Variants in PDPN observed in about 807,000 individuals in gnomAD.
The protein encoded by PDPN is podoplanin.
A neutral mutation model predicts 23.2 loss-of-function variants in PDPN; 12 were observed. That is an observed-to-expected ratio of 0.52 (90% confidence interval 0.33 to 0.84). The LOEUF (loss-of-function observed/expected upper bound fraction) is 0.84, where lower values mean the gene tolerates loss of function less well. PDPN is among the 40% of genes least tolerant of loss of function. The pLI is 0.02. For synonymous variants in PDPN, 77 were observed against 76.7 expected, an observed-to-expected ratio of 1.00 and a Z score of -0.02; for missense variants, 199 against 212.2, an observed-to-expected ratio of 0.94 and a Z score of 0.39.
At chr1:13,589,272 C>G (rs1263612535) in intron 1 of PDPN, among the ~76,000 whole-genome samples, 3 of 152,156 alleles carry the variant, frequency 2.0e-5, no homozygotes, top group Admixed American at 1.3e-4. Flanking sequence ...GAAGGGCATG[C>G]CTTGGACAGC....
intron 1 of PDPN, among the ~76,000 whole-genome samples, chr1:13,588,284 A>T (rs559015078): frequency 1.3e-5 from 2 of 152,156 alleles, no homozygotes; most frequent in African/African-American, 4.8e-5. Flanking sequence ...TGTTTGCAGC[A>T]TGTACAAATG....
At chr1:13,595,239 A>C (rs1182827122) in intron 1 of PDPN, among the ~76,000 whole-genome samples, 1 of 152,112 alleles carries the variant, frequency 6.6e-6, no homozygotes, top group African/African-American at 2.4e-5. Flanking sequence ...TGTCATAAGG[A>C]TCTTATATCC....
intron 1 of PDPN, among the ~76,000 whole-genome samples, chr1:13,602,306 C>T (rs576270276): frequency 2.0e-4 from 30 of 151,134 alleles, no homozygotes; most frequent in South Asian, 6.3e-4. Flanking sequence ...CCAGCCTGGG[C>T]GACAGAGCAA....
At chr1:13,597,915 C>T (rs907499766) in intron 1 of PDPN, among the ~76,000 whole-genome samples, 2 of 152,060 alleles carry the variant, frequency 1.3e-5, no homozygotes, top group Non-Finnish European at 2.9e-5. Context: ...ATCGAGGCTG[C>T]AGTGAGCCAA....
chr1:13,602,605 C>A (rs1489988133), intron 1 of PDPN, among the ~76,000 whole-genome samples: 1 of 152,064 alleles, frequency 6.6e-6, no homozygotes, highest in Admixed American at 6.5e-5. Context: ...TTTTGTCTCC[C>A]AGGCTGGAGT....
chr1:13,603,910 CACA>C (rs939604913), intron 1 of PDPN, among the ~76,000 whole-genome samples: 4 of 152,128 alleles, frequency 2.6e-5, no homozygotes, highest in Admixed American at 1.3e-4. Context: ...TTAAAATAAT[CACA>C]ACAACAACAA....
Position 13,617,036 on chromosome 1 carries a change from C to G in PDPN, c.*1125C>G, listed in dbSNP as rs555985067. ...TTTAAAAATAGAAGACATCCCCAGT[C>G]CTCATGACATACCGCAAATATCTGT... On this transcript the variant is annotated 3_prime_UTR_variant, in exon 6 of 6. Transcript: ENST00000621990. 1 of 152,320 alleles carries G rather than the reference C, an allele frequency of 6.6e-6. No homozygotes were observed. Among genetic ancestry groups the G allele is most frequent in the South Asian group, 2.1e-4 (1 of 4,826 alleles). The allele number at this position is 152,320 out of a possible 1,614,324, so 9.4% of individuals were successfully genotyped here.
At chr1:13,608,434 T>C (rs1389447379) in intron 2 of PDPN, among the ~76,000 whole-genome samples, 1 of 152,208 alleles carries the variant, frequency 6.6e-6, no homozygotes, top group African/African-American at 2.4e-5. Flanking sequence ...TCTCCTTAAC[T>C]TTCTCTTTTT....
chr1:13,584,142 G>T, intron 1 of PDPN, 42 bp downstream of exon 1: 1 of 1,602,898 alleles, frequency 6.2e-7, no homozygotes, highest in Non-Finnish European at 8.5e-7. Context: ...CGCTGATGGG[G>T]ACGAGCGAGC....
chr1:13,583,996 TG>T lies in PDPN; in HGVS notation c.-37del, dbSNP rs1461510364. On this transcript the variant is annotated 5_prime_UTR_variant, in exon 1 of 6. Coordinates refer to ENST00000621990, the MANE Select transcript of PDPN (RefSeq NM_006474.5). ...ATTTTCCCCCAGCTCAGAATCTTGC[TG>T]CTCGGCCCCCAGGAGAGCAACAACT... 2 of 1,613,668 alleles carry T rather than the reference TG, an allele frequency of 1.2e-6. No homozygotes were observed. The highest frequency in any genetic ancestry group is 4.5e-5 in the East Asian group (2 of 44,882).
intron 3 of PDPN, among the ~76,000 whole-genome samples, chr1:13,612,391 T>C (rs948247284): frequency 1.3e-5 from 2 of 152,184 alleles, no homozygotes; most frequent in Non-Finnish European, 2.9e-5. Context: ...CCACAAACTT[T>C]AGTAATATAT....
chr1:13,596,128 G>C (rs1411797722), intron 1 of PDPN: 5 of 299,692 alleles, frequency 1.7e-5, no homozygotes, highest in South Asian at 1.2e-4. Flanking sequence ...GAACCCAGGA[G>C]GCGGAGGTTG....
intron 1 of PDPN, 127 bp downstream of exon 1, chr1:13,584,227 G>A: frequency 6.6e-7 from 1 of 1,522,026 alleles, no homozygotes; most frequent in South Asian, 1.2e-5. Flanking sequence ...GGGTGTGTGC[G>A]TGTCAGGCGG....
chr1:13,599,055 G>C (rs1427517170), intron 1 of PDPN, among the ~76,000 whole-genome samples: 1 of 141,868 alleles, frequency 7.0e-6, no homozygotes, highest in South Asian at 2.4e-4. Context: ...TCTGTCACTA[G>C]CCTGGAGTGT....
Position 13,585,694 on chromosome 1 carries a change from C to T in PDPN, c.67+1594C>T, listed in dbSNP as rs1640159145. On this transcript the variant is annotated intron_variant, in intron 1 of 5. Transcript: ENST00000621990. ...AAAACCATCGTTGGTGCTGGAAACT[C>T]CACTACTAAAGAAAGAAGTGGTATG... 1.0e-5 allele frequency: 13 copies of T among 1,285,122 alleles called. No individual in the cohort carries two copies. In the Admixed American group the frequency reaches 2.5e-4, roughly 24 times the overall value. The allele number at this position is 1,285,122 out of a possible 1,614,324, so 79.6% of individuals were successfully genotyped here.
At chr1:13,613,202 G>C (rs1357401137) in intron 3 of PDPN, among the ~76,000 whole-genome samples, 1 of 152,152 alleles carries the variant, frequency 6.6e-6, no homozygotes, top group African/African-American at 2.4e-5. Flanking sequence ...CAAAGAAGTA[G>C]CAGGAAATAG....
chr1:13,607,121 G>A (rs2100266830), intron 1 of PDPN, 52 bp from the exon 2 acceptor site: 13 of 1,561,824 alleles, frequency 8.3e-6, no homozygotes, highest in Non-Finnish European at 1.1e-5. Context: ...GACAAGTTGG[G>A]TCTGCTTATG....
intron 1 of PDPN, 47 bp downstream of exon 1, chr1:13,584,147 G>A (rs1640112979): frequency 6.3e-7 from 1 of 1,597,932 alleles, no homozygotes; most frequent in Non-Finnish European, 8.6e-7. Flanking sequence ...ATGGGGACGA[G>A]CGAGCAGAGA....
chr1:13,590,797 GAAGAT>G (rs1557536686), intron 1 of PDPN, among the ~76,000 whole-genome samples: 1 of 142,130 alleles, frequency 7.0e-6, no homozygotes, highest in Non-Finnish European at 1.5e-5. Context: ...CTGGTTGTCA[GAAGAT>G]AATGAAGAAG....
Sources: gnomAD v4.1 joint callset for allele counts (sites outside exome capture counted in the v4.1 genomes callset) on GRCh38, gnomAD v4.1.1 for gene constraint, MANE v1.5 for transcripts, NCBI Gene and HGNC (gene_info 2026-07-23, HGNC 2026-07-21) for gene names.